Variants in SLC8A1 observed in about 807,000 individuals in gnomAD.
SLC8A1 encodes solute carrier family 8 member A1.
Under a neutral mutation model 68.3 loss-of-function variants are expected in SLC8A1, and 18 were observed. That is an observed-to-expected ratio of 0.26 (90% CI 0.18 to 0.39). The LOEUF (loss-of-function observed/expected upper bound fraction) is 0.39, where lower values mean the gene tolerates loss of function less well. Ranked by LOEUF, SLC8A1 falls within the 10% of genes least tolerant of loss-of-function variation. SLC8A1 has a pLI of 1.00. For synonymous variants in SLC8A1, 475 were observed against 415.5 expected, an observed-to-expected ratio of 1.14 and a Z score of -1.74; for missense variants, 985 against 1,156.7, an observed-to-expected ratio of 0.85 and a Z score of 2.15.
At chr2:40,468,050 T>A (rs554967500) in intron 1 of SLC8A1, among the ~76,000 whole-genome samples, 4 of 152,294 alleles carry the variant, frequency 2.6e-5, no homozygotes, top group East Asian at 1.9e-4. Flanking sequence ...AACATTGAGA[T>A]ATTATGATAT....
At chr2:40,254,395 T>C (rs950486666) in intron 2 of SLC8A1, 1 of 112,690 alleles carries the variant, frequency 8.9e-6, no homozygotes, top group Admixed American at 1.3e-4. Context: ...TTGTAAATCA[T>C]GCTTTTTTGT....
intron 6 of SLC8A1, among the ~76,000 whole-genome samples, chr2:40,140,834 GAT>G (rs60846450): frequency 0.58 from 88,113 of 151,750 alleles, 26,853 homozygotes; most frequent in East Asian, 0.79. Context: ...GCAATTACCT[GAT>G]ATATATATAT....
At chr2:40,265,834 G>C (rs909455890) in intron 2 of SLC8A1, among the ~76,000 whole-genome samples, 2 of 152,044 alleles carry the variant, frequency 1.3e-5, no homozygotes, top group Non-Finnish European at 2.9e-5. Context: ...GCAATTATTT[G>C]CTGAAGGAAG....
intron 2 of SLC8A1, among the ~76,000 whole-genome samples, chr2:40,400,502 CTCT>C (rs1176306034): frequency 1.3e-5 from 2 of 152,176 alleles, no homozygotes; most frequent in Non-Finnish European, 2.9e-5. Context: ...ATTCACTAGA[CTCT>C]TCTTTTCTAA....
At chr2:40,175,063 C>T (rs577278955) in intron 3 of SLC8A1, among the ~76,000 whole-genome samples, 198 bp downstream of exon 4, 7 of 152,054 alleles carry the variant, frequency 4.6e-5, no homozygotes, top group East Asian at 1.9e-4. Context: ...AAGAAATCAC[C>T]GATTTTTCAA....
intron 2 of SLC8A1, among the ~76,000 whole-genome samples, chr2:40,385,591 G>A (rs1172528503): frequency 6.6e-6 from 1 of 151,126 alleles, no homozygotes; most frequent in Non-Finnish European, 1.5e-5. Context: ...TGTACCATGA[G>A]GAGCAACATA....
chr2:40,363,190 G>A (rs1227729559), intron 2 of SLC8A1, among the ~76,000 whole-genome samples: 1 of 152,058 alleles, frequency 6.6e-6, no homozygotes, highest in African/African-American at 2.4e-5. Flanking sequence ...CACCATATAA[G>A]TTAAGCTCAG....
chr2:40,222,281 C>A (rs2058437711), intron 2 of SLC8A1, among the ~76,000 whole-genome samples: 1 of 152,074 alleles, frequency 6.6e-6, no homozygotes, highest in African/African-American at 2.4e-5. Flanking sequence ...GGGGAAACGA[C>A]TCCCTACTTA....
rs1292922329 is a variant in SLC8A1 at position 40,416,042 on chromosome 2, G to A, written c.1808+12431C>T. On this transcript the variant is annotated intron_variant, in intron 2 of 7. Coordinates refer to ENST00000406785, the Ensembl canonical transcript of SLC8A1. ...CTTAAGCCTGGGTGACAGATTGAGC[G>A]AGGCTCTGTTTTAAAAAAAAAAAAA... 1.6e-4 allele frequency among the ~76,000 whole-genome samples: 23 copies of A among 143,338 alleles called. No individual in the cohort carries two copies. The East Asian group carries it at 4.4e-3, about 27-fold the overall frequency. 94.0% of individuals were successfully genotyped at this position (143,338 alleles called of 152,430 possible).
At chr2:40,509,357 C>T (rs972871189) in intron 1 of SLC8A1, among the ~76,000 whole-genome samples, 4 of 151,174 alleles carry the variant, frequency 2.6e-5, no homozygotes, top group Non-Finnish European at 4.4e-5. Flanking sequence ...TCATTTTTAA[C>T]GTTCTTAAAA....
At chr2:40,259,092 G>A (rs1056083227) in intron 2 of SLC8A1, among the ~76,000 whole-genome samples, 1 of 152,132 alleles carries the variant, frequency 6.6e-6, no homozygotes, top group African/African-American at 2.4e-5. Context: ...GTACTTTGGA[G>A]AAAGTCCATA....
chr2:40,243,420 G>A (rs1480621977), intron 2 of SLC8A1, among the ~76,000 whole-genome samples: 2 of 152,148 alleles, frequency 1.3e-5, no homozygotes, highest in African/African-American at 4.8e-5. Context: ...GGAGGTAGAT[G>A]TTATAGTGAC....
intron 1 of SLC8A1, among the ~76,000 whole-genome samples, chr2:40,489,762 T>G (rs868696386): frequency 6.6e-6 from 1 of 151,956 alleles, no homozygotes; most frequent in South Asian, 2.1e-4. Context: ...TTAAGTGGCT[T>G]CTTGACCACA....
chr2:40,211,416 T>G (rs1206040531), intron 2 of SLC8A1, among the ~76,000 whole-genome samples: 1 of 152,148 alleles, frequency 6.6e-6, no homozygotes, highest in Non-Finnish European at 1.5e-5. Flanking sequence ...TTTACAAAAA[T>G]GATTAGAGCT....
At chr2:40,337,082 A>C (rs1666203734) in intron 2 of SLC8A1, among the ~76,000 whole-genome samples, 2 of 152,202 alleles carry the variant, frequency 1.3e-5, no homozygotes, top group African/African-American at 4.8e-5. Context: ...GTTGGAAACA[A>C]GGCAAATGTT....
chr2:40,142,130 G>A (rs141524092), intron 6 of SLC8A1, among the ~76,000 whole-genome samples: 82 of 152,254 alleles, frequency 5.4e-4, no homozygotes, highest in Non-Finnish European at 9.4e-4. Flanking sequence ...ATTACTCAGT[G>A]TTTCTATTAC....
chr2:40,150,599 T>C (rs1209192465), intron 6 of SLC8A1, among the ~76,000 whole-genome samples: 3 of 152,178 alleles, frequency 2.0e-5, no homozygotes, highest in Admixed American at 6.5e-5. Flanking sequence ...GCAGAGCTGC[T>C]GCCACCCCAG....
chr2:40,290,960 A>G (rs2069197891), intron 2 of SLC8A1, among the ~76,000 whole-genome samples: 1 of 152,234 alleles, frequency 6.6e-6, no homozygotes, highest in Non-Finnish European at 1.5e-5. Flanking sequence ...CTATGACAGA[A>G]AAGTCCCATC....
chr2:40,312,865 A>G (rs935835081), intron 2 of SLC8A1, among the ~76,000 whole-genome samples: 1 of 152,094 alleles, frequency 6.6e-6, no homozygotes, highest in African/African-American at 2.4e-5. Flanking sequence ...CCAGTTTTTT[A>G]ACAGCTTTAT....
Sources: gnomAD v4.1 joint callset for allele counts (sites outside exome capture counted in the v4.1 genomes callset) on GRCh38, gnomAD v4.1.1 for gene constraint, MANE v1.5 for transcripts, NCBI Gene and HGNC (gene_info 2026-07-23, HGNC 2026-07-21) for gene names.